The following EML6 variants were observed in gnomAD, a reference collection of about 807,000 sequenced individuals.
EML6 encodes EMAP like 6.
Under a neutral mutation model 240.1 loss-of-function variants are expected in EML6, and 154 were observed. The ratio of observed to expected loss-of-function variants is 0.64; its 90% confidence interval spans 0.56 to 0.73. The LOEUF (loss-of-function observed/expected upper bound fraction) is 0.73. Ranked by LOEUF, EML6 falls within the 30% of genes least tolerant of loss-of-function variation. The pLI, the probability that EML6 is intolerant of heterozygous loss-of-function variation, is 0.00. For synonymous variants in EML6, 1,148 were observed against 899.0 expected (o/e 1.28, Z -4.95); for missense variants, 2,964 against 2,474.6 (o/e 1.20, Z -4.20).
chr2:54,788,265 T>G (rs6719425), intron 2 of EML6, among the ~76,000 whole-genome samples: 1 of 152,006 alleles, frequency 6.6e-6, no homozygotes, highest in African/African-American at 2.4e-5. Flanking sequence ...GCTGCCCTCT[T>G]CTCTCTGGCA....
chr2:54,855,886 G>GTC (rs762038146), intron 11 of EML6, among the ~76,000 whole-genome samples: 2 of 152,178 alleles, frequency 1.3e-5, no homozygotes, highest in Non-Finnish European at 2.9e-5. Flanking sequence ...GTGTCTGTCT[G>GTC]TAATTTAGGT....
At chr2:54,967,712 G>C (rs755972778) in intron 39 of EML6, among the ~76,000 whole-genome samples, 3 of 152,290 alleles carry the variant, frequency 2.0e-5, no homozygotes, top group Middle Eastern at 3.4e-3. Context: ...CCACATGGCT[G>C]TACTGAATTA....
chr2:54,840,786 C>A (rs1558598835), intron 7 of EML6, among the ~76,000 whole-genome samples: 1 of 152,222 alleles, frequency 6.6e-6, no homozygotes, highest in African/African-American at 2.4e-5. Flanking sequence ...TGATAAAACT[C>A]TCTTCACAGA....
At chr2:54,733,711 AC>A (rs1683267204) in intron 2 of EML6, among the ~76,000 whole-genome samples, 1 of 152,152 alleles carries the variant, frequency 6.6e-6, no homozygotes, top group Admixed American at 6.5e-5. Flanking sequence ...TACAGTACCA[AC>A]TGAATCAATC....
intron 2 of EML6, among the ~76,000 whole-genome samples, chr2:54,808,013 T>C (rs954001080): frequency 6.6e-6 from 1 of 152,250 alleles, no homozygotes; most frequent in African/African-American, 2.4e-5. Context: ...CTCATCAAGC[T>C]TGTTAAAGTC....
intron 2 of EML6, among the ~76,000 whole-genome samples, chr2:54,763,720 TA>T (rs2103769619): frequency 6.6e-6 from 1 of 152,230 alleles, no homozygotes; most frequent in East Asian, 1.9e-4. Flanking sequence ...TCAAAGTGGT[TA>T]AGGTAAAAAT....
At chr2:54,827,813 C>T in intron 6 of EML6, 62 bp downstream of exon 6, 2 of 1,169,770 alleles carry the variant, frequency 1.7e-6, no homozygotes. Flanking sequence ...CCACGAATCC[C>T]TCCCTGTATG....
intron 30 of EML6, among the ~76,000 whole-genome samples, chr2:54,951,497 A>T (rs1428526804): frequency 2.6e-5 from 4 of 151,946 alleles, no homozygotes; most frequent in Non-Finnish European, 5.9e-5. Flanking sequence ...GTGAGCCAAG[A>T]TCGCGCCATT....
chr2:54,809,652 G>A (rs529304599), intron 2 of EML6, among the ~76,000 whole-genome samples: 1 of 152,090 alleles, frequency 6.6e-6, no homozygotes, highest in Non-Finnish European at 1.5e-5. Context: ...CATTTAAAAT[G>A]CTTCTGAACT....
chr2:54,853,922 C>A, intron 11 of EML6, 67 bp downstream of exon 11: 1 of 933,296 alleles, frequency 1.1e-6, no homozygotes, highest in Non-Finnish European at 1.6e-6. Context: ...ACAATTAAGG[C>A]TGATCTTCCT....
intron 21 of EML6, among the ~76,000 whole-genome samples, chr2:54,895,633 C>A (rs899789480): frequency 6.6e-6 from 1 of 152,208 alleles, no homozygotes; most frequent in Non-Finnish European, 1.5e-5. Context: ...CACAGCTTAA[C>A]TGGATCTTCT....
chr2:54,803,821 G>T (rs576945198), intron 2 of EML6, among the ~76,000 whole-genome samples: 36 of 152,276 alleles, frequency 2.4e-4, no homozygotes, highest in African/African-American at 8.7e-4. Context: ...TAGAGTGTTA[G>T]CTCCTGTGTG....
intron 16 of EML6, among the ~76,000 whole-genome samples, chr2:54,879,281 A>G (rs924032832): frequency 2.0e-5 from 3 of 152,234 alleles, no homozygotes; most frequent in Non-Finnish European, 4.4e-5. Context: ...AAGCTCGGCT[A>G]TCTCTAGTCA....
chr2:54,965,191 C>T (rs766872123), intron 38 of EML6, among the ~76,000 whole-genome samples: 10 of 152,118 alleles, frequency 6.6e-5, no homozygotes, highest in South Asian at 2.1e-4. Context: ...GGGAACTGAC[C>T]GGTGGAAGGG....
chr2:54,812,857 A>T (rs1180486532), intron 2 of EML6, among the ~76,000 whole-genome samples: 2 of 151,876 alleles, frequency 1.3e-5, no homozygotes, highest in South Asian at 2.1e-4. Context: ...AACAACATTT[A>T]AAAAAAAATT....
At chr2:54,807,257 A>G (rs940315488) in intron 2 of EML6, among the ~76,000 whole-genome samples, 2 of 152,238 alleles carry the variant, frequency 1.3e-5, no homozygotes, top group South Asian at 4.1e-4. Flanking sequence ...GCAAATGATT[A>G]AAGTTCCAAT....
chr2:54,944,271 C>G (rs768654365), intron 28 of EML6, among the ~76,000 whole-genome samples: 2 of 152,116 alleles, frequency 1.3e-5, no homozygotes, highest in Admixed American at 6.5e-5. Context: ...ATCATCTTCC[C>G]TCATTGATAT....
At chr2:54,876,586 CAAG>C (rs1237272079) in intron 16 of EML6, among the ~76,000 whole-genome samples, 6 of 152,064 alleles carry the variant, frequency 3.9e-5, no homozygotes, top group Non-Finnish European at 1.5e-5. Context: ...GCTTGCATTC[CAAG>C]AAGAACATAA....
chr2:54,730,846 T>A (rs1683125282), intron 2 of EML6, among the ~76,000 whole-genome samples: 1 of 152,246 alleles, frequency 6.6e-6, no homozygotes, highest in South Asian at 2.1e-4. Flanking sequence ...ATCTATAATG[T>A]GCCAGATGCA....
Sources: gnomAD v4.1 joint callset for allele counts (sites outside exome capture counted in the v4.1 genomes callset) on GRCh38, gnomAD v4.1.1 for gene constraint, MANE v1.5 for transcripts, NCBI Gene and HGNC (gene_info 2026-07-23, HGNC 2026-07-21) for gene names.